Variants in POLK observed in about 807,000 individuals in gnomAD.
POLK encodes polymerase (DNA directed) kappa.
Under a neutral mutation model 94.0 loss-of-function variants are expected in POLK, and 76 were observed. The ratio of observed to expected loss-of-function variants is 0.81; its 90% confidence interval spans 0.67 to 0.98. POLK has a LOEUF of 0.98. POLK is among the 50% of genes least tolerant of loss of function. POLK has a pLI of 0.00. For synonymous variants in POLK, 349 were observed against 325.4 expected (o/e 1.07, Z -0.78); for missense variants, 954 against 1,010.1 (o/e 0.94, Z 0.75).
intron 1 of POLK, among the ~76,000 whole-genome samples, chr5:75,532,495 A>G (rs1166965795): frequency 2.6e-5 from 4 of 151,760 alleles, no homozygotes; most frequent in African/African-American, 7.3e-5. Flanking sequence ...ATTAATGGAC[A>G]TTTAGGTTGA....
At chr5:75,582,515 AT>A in intron 7 of POLK, 1 of 152,338 alleles carries the variant, frequency 6.6e-6, no homozygotes, top group East Asian at 1.9e-4. Context: ...AATTATCATT[AT>A]TTTAAATATA....
At chr5:75,602,501 A>G (rs1234355868), downstream of POLK, among the ~76,000 whole-genome samples, 1 of 152,198 alleles carries the variant, frequency 6.6e-6, no homozygotes, top group African/African-American at 2.4e-5. Context: ...GAGTAACCTG[A>G]GGCTGCTAGG....
intron 4 of POLK, among the ~76,000 whole-genome samples, chr5:75,570,454 A>G (rs539619438): frequency 1.0e-3 from 152 of 152,350 alleles, no homozygotes; most frequent in African/African-American, 3.4e-3. Context: ...AAAAGAGCAG[A>G]GTTCAATAAT....
chr5:75,556,346 TTA>T (rs1770619229), intron 3 of POLK, among the ~76,000 whole-genome samples: 1 of 152,264 alleles, frequency 6.6e-6, no homozygotes, highest in African/African-American at 2.4e-5. Flanking sequence ...CCTTGACCAT[TTA>T]TAATCAAGCT....
chr5:75,581,382 G>A (rs1204047953), exon 7 of POLK: 4 of 1,613,374 alleles, frequency 2.5e-6, no homozygotes, highest in Non-Finnish European at 3.4e-6. Flanking sequence ...TGGAACATCA[G>A]CCCAGGAAGT....
intron 1 of POLK, among the ~76,000 whole-genome samples, chr5:75,536,167 G>A (rs1191638510): frequency 1.3e-5 from 2 of 151,284 alleles, no homozygotes; most frequent in African/African-American, 4.8e-5. Context: ...TATGGTATAA[G>A]GTGGATTCAG....
At chr5:75,528,899 C>T (rs570191041) in intron 1 of POLK, among the ~76,000 whole-genome samples, 31 of 152,198 alleles carry the variant, frequency 2.0e-4, no homozygotes, top group African/African-American at 6.0e-4. Context: ...TACAATTATC[C>T]CTTGGTATCC....
At chr5:75,538,088 C>T (rs1168204914) in intron 1 of POLK, among the ~76,000 whole-genome samples, 1 of 152,086 alleles carries the variant, frequency 6.6e-6, no homozygotes, top group Non-Finnish European at 1.5e-5. Context: ...GATCTCCTGA[C>T]CTTGTGATCC....
At chr5:75,597,461 TG>T in intron 13 of POLK, 1 of 410,076 alleles carries the variant, frequency 2.4e-6, no homozygotes, top group Non-Finnish European at 4.3e-6. Context: ...AGAGAACATC[TG>T]TGAAGGCACA....
intron 1 of POLK, among the ~76,000 whole-genome samples, chr5:75,545,774 T>C (rs540194848): frequency 2.0e-5 from 3 of 152,186 alleles, no homozygotes; most frequent in Non-Finnish European, 4.4e-5. Flanking sequence ...TGTATTTCTA[T>C]ACCATGTTTT....
rs935134904 is a variant in POLK at position 75,580,956 on chromosome 5, A to G, written c.695-253A>G. The stretch of plus-strand genomic sequence containing the variant: ...AGGTACGAACATTAGTGAGTTTTAC[A>G]TAAGATATTTCCTTTTAATATTTAT... On this transcript the variant is annotated intron_variant, in intron 6 of 14. Transcript: ENST00000241436. Among the ~76,000 whole-genome samples the G allele has an allele frequency of 4.6e-5, 7 of 151,710 alleles. No individual in the cohort carries two copies. In the South Asian group the frequency reaches 1.0e-3, roughly 23 times the overall value.
At chr5:75,522,454 A>G (rs1580913533) in intron 1 of POLK, among the ~76,000 whole-genome samples, 1 of 152,148 alleles carries the variant, frequency 6.6e-6, no homozygotes, top group Non-Finnish European at 1.5e-5. Flanking sequence ...GCTTACTTCT[A>G]CTTACTATTT....
At chr5:75,603,695 G>A (rs1434654317), downstream of POLK, among the ~76,000 whole-genome samples, 1 of 152,116 alleles carries the variant, frequency 6.6e-6, no homozygotes, top group Non-Finnish European at 1.5e-5. Context: ...AGGGTTTCCT[G>A]AACAGACCAA....
intron 4 of POLK, among the ~76,000 whole-genome samples, chr5:75,570,273 C>A (rs1311729978): frequency 1.3e-5 from 2 of 152,004 alleles, no homozygotes; most frequent in Non-Finnish European, 2.9e-5. Flanking sequence ...ATTTCCATGG[C>A]AAATTAAATT....
At chr5:75,518,839 A>G (rs892523431) in intron 1 of POLK, among the ~76,000 whole-genome samples, 1 of 152,142 alleles carries the variant, frequency 6.6e-6, no homozygotes, top group African/African-American at 2.4e-5. Flanking sequence ...GATTCAGAAT[A>G]TTTTTAAATT....
At chr5:75,573,347 A>G (rs999211951) in intron 4 of POLK, among the ~76,000 whole-genome samples, 1 of 151,336 alleles carries the variant, frequency 6.6e-6, no homozygotes, top group Non-Finnish European at 1.5e-5. Flanking sequence ...GGAATATCAC[A>G]CTCTGGGGAT....
chr5:75,574,004 A>G, intron 5 of POLK, 135 bp downstream of exon 5: 1 of 722,636 alleles, frequency 1.4e-6, no homozygotes, highest in African/African-American at 1.8e-5. Flanking sequence ...TCACTTCTTC[A>G]GCTTGTATAT....
At chr5:75,575,288 T>G (rs1470758143) in intron 5 of POLK, among the ~76,000 whole-genome samples, 2 of 152,172 alleles carry the variant, frequency 1.3e-5, no homozygotes, top group African/African-American at 4.8e-5. Context: ...TAAGCAATCC[T>G]CTGGCCTCAG....
chr5:75,595,053 C>T (rs918365081), intron 12 of POLK, among the ~76,000 whole-genome samples: 2 of 151,996 alleles, frequency 1.3e-5, no homozygotes, highest in Non-Finnish European at 2.9e-5. Flanking sequence ...GAGTTCAAGA[C>T]CAGCCTGGCC....
Sources: allele counts gnomAD v4.1 joint callset (sites outside exome capture counted in the v4.1 genomes callset), GRCh38; gene constraint gnomAD v4.1.1; transcripts MANE v1.5; gene names NCBI Gene and HGNC (gene_info 2026-07-23, HGNC 2026-07-21).